Variants in NFIA observed in about 807,000 individuals in gnomAD.
NFIA encodes nuclear factor 1 A-type.
In NFIA, 8 loss-of-function variants were observed where a neutral mutation model predicts 62.8. That is an observed-to-expected ratio of 0.13 (90% CI 0.07 to 0.23). NFIA has a LOEUF of 0.23. Among genes scored for constraint, NFIA ranks in the 10% least tolerant of loss-of-function variants. The pLI, the probability that NFIA is intolerant of heterozygous loss-of-function variation, is 1.00. For synonymous variants in NFIA, 235 were observed against 238.1 expected (o/e 0.99, Z 0.12); for missense variants, 410 against 642.1 (o/e 0.64, Z 3.91).
chr1:61,312,921 C>T (rs958542762), intron 3 of NFIA, among the ~76,000 whole-genome samples: 3 of 152,194 alleles, frequency 2.0e-5, no homozygotes, highest in Admixed American at 6.5e-5. Context: ...TTCTGTCCCA[C>T]ACCTTTTACT....
At chr1:61,099,654 C>T (rs1022616035) in intron 2 of NFIA, among the ~76,000 whole-genome samples, 4 of 152,142 alleles carry the variant, frequency 2.6e-5, no homozygotes, top group African/African-American at 7.2e-5. Context: ...AGATGACCTT[C>T]GTTGTGGCTT....
At chr1:61,346,063 C>G (rs910473362) in intron 4 of NFIA, among the ~76,000 whole-genome samples, 1 of 152,112 alleles carries the variant, frequency 6.6e-6, no homozygotes, top group Non-Finnish European at 1.5e-5. Flanking sequence ...AATCTCTCCC[C>G]GTCCTATACT....
chr1:61,414,170 A>T (rs939071785), intron 9 of NFIA, among the ~76,000 whole-genome samples: 2 of 151,866 alleles, frequency 1.3e-5, no homozygotes, highest in East Asian at 3.9e-4. Flanking sequence ...TTTAGTTAAG[A>T]CAGGGTTTCG....
intron 2 of NFIA, among the ~76,000 whole-genome samples, chr1:61,161,421 A>G (rs1423109743): frequency 6.6e-6 from 1 of 152,208 alleles, no homozygotes; most frequent in African/African-American, 2.4e-5. Context: ...CCAGAGCAGC[A>G]AATAAAGTCA....
chr1:61,413,883 C>T (rs888096696), intron 9 of NFIA, among the ~76,000 whole-genome samples: 4 of 152,098 alleles, frequency 2.6e-5, no homozygotes, highest in African/African-American at 4.8e-5. Flanking sequence ...GCCTCAACCT[C>T]CCAAAGTGCT....
rs1364168353 is a variant in NFIA at position 61,458,213 on chromosome 1, A to AGAAAAAAAG, written c.*2893_*2894insGAAAAAAAG. ...AAAAATGAAAAAAAGGAAAAAAAGA[A>AGAAAAAAAG]AAAAAAAAAGAAAAAATAGCAGCTT... On this transcript the variant is annotated 3_prime_UTR_variant, in exon 11 of 11. Transcript: ENST00000403491. 9.7e-6 allele frequency: 1 copy of AGAAAAAAAG among 102,996 alleles called. No homozygotes were observed. The highest frequency in any genetic ancestry group is 6.7e-5 in the African/African-American group (1 of 14,918). The allele number at this position is 102,996 out of a possible 1,614,324, so 6.4% of individuals were successfully genotyped here.
At chr1:61,330,141 TGTTG>T (rs966401364) in intron 3 of NFIA, among the ~76,000 whole-genome samples, 1 of 152,080 alleles carries the variant, frequency 6.6e-6, no homozygotes, top group Non-Finnish European at 1.5e-5. Flanking sequence ...GCTTTGCGCA[TGTTG>T]GTTCTAAGAA....
intron 3 of NFIA, among the ~76,000 whole-genome samples, chr1:61,325,932 C>CAA (rs36122626): frequency 0.59 from 51,744 of 87,984 alleles, 15,365 homozygotes; most frequent in East Asian, 0.79. Flanking sequence ...GACTCTGTCT[C>CAA]AAAAAAAAAA....
chr1:61,189,609 G>A (rs748200761), intron 2 of NFIA, among the ~76,000 whole-genome samples: 1 of 152,098 alleles, frequency 6.6e-6, no homozygotes, highest in Non-Finnish European at 1.5e-5. Flanking sequence ...AAGTTGCAGT[G>A]AGCCGAGATC....
chr1:61,218,375 T>C (rs1456588962), intron 2 of NFIA, among the ~76,000 whole-genome samples: 1 of 152,190 alleles, frequency 6.6e-6, no homozygotes, highest in Non-Finnish European at 1.5e-5. Flanking sequence ...TGTTGGAGTA[T>C]AGTCGTCGCT....
At chr1:61,113,810 T>C (rs1646749937) in intron 2 of NFIA, among the ~76,000 whole-genome samples, 1 of 152,104 alleles carries the variant, frequency 6.6e-6, no homozygotes, top group Non-Finnish European at 1.5e-5. Context: ...AGCAGACATA[T>C]GCACGATTTG....
chr1:61,269,334 C>T (rs941748911), intron 2 of NFIA, among the ~76,000 whole-genome samples: 4 of 151,768 alleles, frequency 2.6e-5, no homozygotes, highest in Non-Finnish European at 5.9e-5. Context: ...ATTTTAAAAG[C>T]TCTGTTTTGA....
chr1:61,089,685 G>GTTTTTTTTC (rs1646282811), intron 2 of NFIA, among the ~76,000 whole-genome samples: 1 of 118,170 alleles, frequency 8.5e-6, no homozygotes, highest in African/African-American at 3.3e-5. Context: ...AATATTTAAC[G>GTTTTTTTTC]TTTTTTTTTC....
intron 2 of NFIA, among the ~76,000 whole-genome samples, chr1:61,176,293 A>AT (rs113640190): frequency 0.035 from 5,341 of 151,978 alleles, 140 homozygotes; most frequent in Non-Finnish European, 0.055. Flanking sequence ...AATTTTTGCC[A>AT]TTTTTTTTAT....
In NFIA at chr1:61,180,355, A is replaced by G. The variant is rs530712084; in HGVS notation, c.559+91675A>G. Among the ~76,000 whole-genome samples the G allele has an allele frequency of 1.2e-4, 18 of 152,326 alleles. No homozygotes were observed. In the South Asian group the frequency reaches 3.5e-3, roughly 30 times the overall value. On this transcript the variant is annotated intron_variant, in intron 2 of 10. Transcript: ENST00000403491. Reference sequence around the variant, plus strand: ...TTGCCCAGCAAAAGCCTTAAATGATAATGGGAAACCTCACTATTGATTGGC... The same window carrying G: ...TTGCCCAGCAAAAGCCTTAAATGATGATGGGAAACCTCACTATTGATTGGC...
intron 3 of NFIA, among the ~76,000 whole-genome samples, chr1:61,328,723 ATTTTTTTT>A (rs35979153): frequency 9.2e-6 from 1 of 108,932 alleles, no homozygotes; most frequent in African/African-American, 3.3e-5. Context: ...CCGGCCTATA[ATTTTTTTT>A]TTTTTTTTTT....
chr1:61,252,516 A>C (rs573440701), intron 2 of NFIA, among the ~76,000 whole-genome samples: 4 of 152,252 alleles, frequency 2.6e-5, no homozygotes, highest in Admixed American at 2.0e-4. Context: ...GTCAGATTAC[A>C]TGTCAGTGAG....
At chr1:61,236,170 AAG>A (rs1655002379) in intron 2 of NFIA, among the ~76,000 whole-genome samples, 1 of 152,068 alleles carries the variant, frequency 6.6e-6, no homozygotes, top group Non-Finnish European at 1.5e-5. Flanking sequence ...AAAAAAAAAA[AAG>A]GTGGAAAGAG....
upstream of NFIA, chr1:61,081,895 G>A: frequency 6.5e-7 from 1 of 1,545,980 alleles, no homozygotes; most frequent in Non-Finnish European, 8.7e-7. Context: ...TTTCAGTGGG[G>A]GAAAAAAAGT....
Sources: gnomAD v4.1 joint callset for allele counts (sites outside exome capture counted in the v4.1 genomes callset) on GRCh38, gnomAD v4.1.1 for gene constraint, MANE v1.5 for transcripts, NCBI Gene and HGNC (gene_info 2026-07-23, HGNC 2026-07-21) for gene names.